Variants in SOX5 observed in about 807,000 individuals in gnomAD.
SOX5 encodes the protein transcription factor SOX-5.
Under a neutral mutation model 92.0 loss-of-function variants are expected in SOX5, and 9 were observed. That is an observed-to-expected ratio of 0.10 (90% CI 0.06 to 0.17). The LOEUF is 0.17. Ranked by LOEUF, SOX5 falls within the 10% of genes least tolerant of loss-of-function variation. The pLI is 1.00. For missense variants in SOX5, 642 were observed against 944.5 expected, an observed-to-expected ratio of 0.68 and a Z score of 4.20; for synonymous variants, 344 against 336.3, an observed-to-expected ratio of 1.02 and a Z score of -0.25.
At chr12:24,068,698 GTGTGTGTATATATATATA>G (rs1234135816) in intron 4 of SOX5, among the ~76,000 whole-genome samples, 5 of 56,418 alleles carry the variant, frequency 8.9e-5, no homozygotes, top group Non-Finnish European at 1.7e-4. Context: ...GTGTGTGTGT[GTGTGTGTATATATATATA>G]TATATATATA....
intron 9 of SOX5, among the ~76,000 whole-genome samples, chr12:23,594,017 T>C (rs1191146334): frequency 6.6e-6 from 1 of 152,204 alleles, no homozygotes; most frequent in Non-Finnish European, 1.5e-5. Flanking sequence ...AGCACTAGTA[T>C]GTAGCAATTA....
At chr12:23,881,873 G>C (rs923854097) in intron 2 of SOX5, among the ~76,000 whole-genome samples, 2 of 151,976 alleles carry the variant, frequency 1.3e-5, no homozygotes, top group Admixed American at 6.6e-5. Context: ...TATGAAAAAG[G>C]GGGGGAAACA....
At chr12:24,076,400 C>T (rs1478149352) in intron 4 of SOX5, among the ~76,000 whole-genome samples, 1 of 152,090 alleles carries the variant, frequency 6.6e-6, no homozygotes, top group African/African-American at 2.4e-5. Context: ...AAACTTCAAT[C>T]AGACTCTGAC....
chr12:23,591,685 T>C (rs935507491), intron 9 of SOX5, among the ~76,000 whole-genome samples: 4 of 152,164 alleles, frequency 2.6e-5, no homozygotes, highest in Non-Finnish European at 4.4e-5. Flanking sequence ...TGTATTCATG[T>C]AGGGTTGACC....
intron 4 of SOX5, among the ~76,000 whole-genome samples, chr12:24,073,027 A>G (rs1305724753): frequency 6.6e-6 from 1 of 152,222 alleles, no homozygotes; most frequent in Admixed American, 6.5e-5. Context: ...GTAAAAATGT[A>G]AAATATATTT....
chr12:23,769,842 C>T (rs200286102), intron 3 of SOX5, among the ~76,000 whole-genome samples: 1 of 152,042 alleles, frequency 6.6e-6, no homozygotes, highest in East Asian at 1.9e-4. Context: ...TACTCACTAC[C>T]TCCATACAAT....
intron 4 of SOX5, among the ~76,000 whole-genome samples, chr12:23,741,289 A>G (rs534170329): frequency 5.3e-5 from 8 of 152,306 alleles, no homozygotes; most frequent in East Asian, 3.9e-4. Flanking sequence ...GAAATTCCAT[A>G]ATGACCAAAC....
intron 4 of SOX5, among the ~76,000 whole-genome samples, chr12:24,199,803 C>A (rs900840674): frequency 1.3e-5 from 2 of 152,136 alleles, no homozygotes; most frequent in Non-Finnish European, 2.9e-5. Flanking sequence ...CAATCCAGTG[C>A]ACCTAACAAG....
chr12:23,825,257 A>G (rs2096208402), intron 3 of SOX5, among the ~76,000 whole-genome samples: 1 of 152,198 alleles, frequency 6.6e-6, no homozygotes, highest in African/African-American at 2.4e-5. Context: ...CAGGTTGCGA[A>G]GACCATGGGA....
At chr12:24,505,874 C>CGCACGTGTGTGTGTGTGT (rs1948694050) in intron 1 of SOX5, among the ~76,000 whole-genome samples, 1 of 148,018 alleles carries the variant, frequency 6.8e-6, no homozygotes, top group African/African-American at 2.5e-5. Context: ...TGTGTGTGTG[C>CGCACGTGTGTGTGTGTGT]GCATCACTGC....
At chr12:24,550,830 T>C (rs568825883) in intron 1 of SOX5, among the ~76,000 whole-genome samples, 1 of 152,286 alleles carries the variant, frequency 6.6e-6, no homozygotes, top group East Asian at 1.9e-4. Flanking sequence ...TCCTTTTATT[T>C]CCAAAGCAGT....
At chr12:23,763,100 A>C (rs1057239642) in intron 3 of SOX5, among the ~76,000 whole-genome samples, 1 of 152,208 alleles carries the variant, frequency 6.6e-6, no homozygotes, top group African/African-American at 2.4e-5. Flanking sequence ...TACAATGATA[A>C]TATAATGTCA....
intron 6 of SOX5, among the ~76,000 whole-genome samples, chr12:23,709,653 T>G (rs114128795): frequency 0.017 from 2,602 of 152,244 alleles, 63 homozygotes; most frequent in African/African-American, 0.059. Context: ...AATTGTTATG[T>G]CACCAATTTA....
rs375919899 is a variant in SOX5, at chr12:24,246,282, ATT to A, written c.-77+30932_-77+30933del. ...TGATGTTCTCAAATTACAGACACAG[ATT>A]TTTTTTTTTTTAAAAGATTGTTGGA... On this transcript the variant is annotated intron_variant, in intron 3 of 4. Transcript: ENST00000446891. 2.4e-4 allele frequency among the ~76,000 whole-genome samples: 35 copies of A among 145,910 alleles called. 1 individual carries two copies. The highest frequency in any genetic ancestry group is 3.5e-4 in the African/African-American group (14 of 39,966).
intron 2 of SOX5, among the ~76,000 whole-genome samples, chr12:23,893,373 T>C (rs552365950): frequency 6.6e-6 from 1 of 151,754 alleles, no homozygotes; most frequent in East Asian, 1.9e-4. Flanking sequence ...TTAAACCTAG[T>C]AGGTGGAGGT....
intron 6 of SOX5, among the ~76,000 whole-genome samples, chr12:23,672,325 A>G (rs2084926382): frequency 6.6e-6 from 1 of 152,184 alleles, no homozygotes; most frequent in Admixed American, 6.6e-5. Flanking sequence ...TGCAGAAGCA[A>G]AATATTGCAT....
intron 4 of SOX5, among the ~76,000 whole-genome samples, chr12:24,000,095 T>C (rs1035861497): frequency 7.9e-5 from 12 of 151,176 alleles, no homozygotes; most frequent in East Asian, 1.9e-4. Context: ...GTGTATTATA[T>C]ATCTATTAGC....
intron 2 of SOX5, chr12:24,368,552 A>G (rs1033802468): frequency 2.0e-5 from 3 of 152,196 alleles, no homozygotes; most frequent in Non-Finnish European, 2.9e-5. Flanking sequence ...CAGAATAAAC[A>G]TTGTACATAC....
intron 9 of SOX5, among the ~76,000 whole-genome samples, chr12:23,592,014 T>C (rs1029645176): frequency 2.6e-5 from 4 of 152,054 alleles, no homozygotes; most frequent in African/African-American, 9.7e-5. Flanking sequence ...TCAAATTATA[T>C]AATAAAGTAA....
Sources: gnomAD v4.1 joint callset for allele counts (sites outside exome capture counted in the v4.1 genomes callset) on GRCh38, gnomAD v4.1.1 for gene constraint, MANE v1.5 for transcripts, NCBI Gene and HGNC (gene_info 2026-07-23, HGNC 2026-07-21) for gene names.